LRRC37A2: variants seen among roughly 807,000 people sequenced by gnomAD.
LRRC37A2 encodes the protein leucine rich repeat containing 37 member A2.
LRRC37A2 carries 9 observed loss-of-function variants against 68.8 expected under a neutral mutation model. The ratio of observed to expected loss-of-function variants is 0.13; its 90% CI spans 0.08 to 0.23. The LOEUF is 0.23. Among genes scored for constraint, LRRC37A2 ranks in the 10% least tolerant of loss-of-function variants. LRRC37A2 has a pLI of 1.00. For missense variants in LRRC37A2, 168 were observed against 950.4 expected (o/e 0.18, Z 10.82); for synonymous variants, 63 against 367.6 (o/e 0.17, Z 9.48).
the LRRC37A2 span, among the ~76,000 whole-genome samples, chr17:46,766,236 C>T: frequency 6.6e-6 from 1 of 152,004 alleles, no homozygotes; most frequent in Admixed American, 6.6e-5. Flanking sequence ...TGGCGAAACC[C>T]GTCTCTACTA....
chr17:46,762,211 TA>T, the LRRC37A2 span, among the ~76,000 whole-genome samples: 4 of 152,358 alleles, frequency 2.6e-5, no homozygotes, highest in East Asian at 5.8e-4. Flanking sequence ...CCTGTGACAT[TA>T]ATTTATACAT....
chr17:47,022,053 T>G, the LRRC37A2 span: 1 of 751,156 alleles, frequency 1.3e-6, no homozygotes, highest in African/African-American at 1.7e-5. Flanking sequence ...CACTGTTGAC[T>G]GCAATCGTAT....
chr17:46,585,057 C>A, the LRRC37A2 span, among the ~76,000 whole-genome samples: 1 of 73,514 alleles, frequency 1.4e-5, no homozygotes, highest in Non-Finnish European at 2.9e-5. Flanking sequence ...AATCCCAGCA[C>A]TTTGGGAGGC....
chr17:47,006,156 G>A, the LRRC37A2 span, among the ~76,000 whole-genome samples: 1 of 151,830 alleles, frequency 6.6e-6, no homozygotes, highest in African/African-American at 2.4e-5. Context: ...CTGCAACAGA[G>A]CGAGACTCCA....
At chr17:46,615,548 C>A in the LRRC37A2 span, among the ~76,000 whole-genome samples, 1 of 8,856 alleles carries the variant, frequency 1.1e-4, no homozygotes, top group Non-Finnish European at 1.8e-4. Context: ...GAAACCCCAT[C>A]TCTACAAAAA....
chr17:46,841,405 T>C, the LRRC37A2 span, among the ~76,000 whole-genome samples: 1 of 152,188 alleles, frequency 6.6e-6, no homozygotes, highest in African/African-American at 2.4e-5. Flanking sequence ...TGCATCGATA[T>C]TCATCACCGA....
the LRRC37A2 span, among the ~76,000 whole-genome samples, chr17:46,840,046 TTCTC>T: frequency 2.1e-3 from 309 of 148,572 alleles, no homozygotes; most frequent in Non-Finnish European, 3.6e-3. Context: ...CTTTCTTTCT[TTCTC>T]TCTCTCTCTT....
At chr17:47,009,186 G>A in the LRRC37A2 span, among the ~76,000 whole-genome samples, 1 of 151,262 alleles carries the variant, frequency 6.6e-6, no homozygotes, top group Non-Finnish European at 1.5e-5. Context: ...CTAACTTTCT[G>A]TTATCTACAA....
chr17:46,936,619 G>C, the LRRC37A2 span: 2 of 985,206 alleles, frequency 2.0e-6, no homozygotes, highest in Admixed American at 1.2e-4. Context: ...GATGACTGGG[G>C]CCAATTTGTG....
the LRRC37A2 span, among the ~76,000 whole-genome samples, chr17:46,800,191 G>A: frequency 2.6e-5 from 4 of 151,972 alleles, no homozygotes; most frequent in Non-Finnish European, 4.4e-5. Flanking sequence ...GCTCACTGCA[G>A]CCTCCACCTC....
chr17:46,791,445 G>C, the LRRC37A2 span, among the ~76,000 whole-genome samples: 1 of 152,034 alleles, frequency 6.6e-6, no homozygotes, highest in Non-Finnish European at 1.5e-5. Context: ...GACCTCAAGT[G>C]ATCCGCCCGC....
exon 10 of LRRC37A2, chr17:46,549,058 T>A (rs1402062635): frequency 6.2e-7 from 1 of 1,611,992 alleles, no homozygotes; most frequent in Non-Finnish European, 8.5e-7. Flanking sequence ...AAAATACCGC[T>A]TTCACAAAAC....
At chr17:46,771,916 G>GCGCCTCGGGCC in the LRRC37A2 span, among the ~76,000 whole-genome samples, 1 of 143,490 alleles carries the variant, frequency 7.0e-6, no homozygotes, top group Non-Finnish European at 1.5e-5. Context: ...GCCTGGGGAA[G>GCGCCTCGGGCC]CGCCTCGGGC....
chr17:46,550,908 C>T (rs1323327027), intron 11 of LRRC37A2, among the ~76,000 whole-genome samples: 1 of 147,836 alleles, frequency 6.8e-6, no homozygotes, highest in African/African-American at 2.7e-5. Context: ...TTGTCATCAC[C>T]CTGGAGAGGA....
At chr17:46,605,999 A>C in the LRRC37A2 span, among the ~76,000 whole-genome samples, 2 of 2,932 alleles carry the variant, frequency 6.8e-4, no homozygotes, top group Non-Finnish European at 8.8e-4. Context: ...AAAATACAAA[A>C]AAAAAAAAAA....
the LRRC37A2 span, among the ~76,000 whole-genome samples, chr17:46,714,940 G>A: frequency 3.3e-5 from 5 of 152,158 alleles, no homozygotes; most frequent in East Asian, 1.9e-4. Context: ...TTAGGCATTC[G>A]CTTTATAAAG....
chr17:46,697,122 T>C, the LRRC37A2 span, among the ~76,000 whole-genome samples: 2 of 127,756 alleles, frequency 1.6e-5, no homozygotes, highest in Non-Finnish European at 3.5e-5. Context: ...TTCTAGACTT[T>C]AAATCCTTAT....
the LRRC37A2 span, among the ~76,000 whole-genome samples, chr17:46,741,744 G>A: frequency 6.9e-6 from 1 of 143,984 alleles, no homozygotes; most frequent in East Asian, 2.1e-4. Flanking sequence ...AGTTGTAGGA[G>A]ATGTTAATAG....
At chr17:46,790,481 C>A in the LRRC37A2 span, among the ~76,000 whole-genome samples, 1 of 152,062 alleles carries the variant, frequency 6.6e-6, no homozygotes, top group Non-Finnish European at 1.5e-5. Flanking sequence ...AGAAGCACTG[C>A]CCTAGGTCAC....
Sources: allele counts gnomAD v4.1 joint callset (sites outside exome capture counted in the v4.1 genomes callset), GRCh38; gene constraint gnomAD v4.1.1; transcripts MANE v1.5; gene names NCBI Gene and HGNC (gene_info 2026-07-23, HGNC 2026-07-21).